PHF6: variants seen among roughly 807,000 people sequenced by gnomAD.
PHF6 encodes the protein PHD finger protein 6.
Under a neutral mutation model 34.0 loss-of-function variants are expected in PHF6, and 7 were observed. That is an observed-to-expected ratio of 0.21 (90% confidence interval 0.12 to 0.39). The LOEUF is 0.39. Ranked by LOEUF, PHF6 falls within the 10% of genes least tolerant of loss-of-function variation. The probability of loss-of-function intolerance (pLI) is 1.00; values close to 1 mark genes in which losing one functional copy is unlikely to be tolerated. For missense variants in PHF6, 128 were observed against 262.8 expected (o/e 0.49, Z 3.55); for synonymous variants, 89 against 88.4 (o/e 1.01, Z -0.04).
Position 134,375,806 on chromosome X carries a change from G to A in PHF6, c.-46-1766G>A, listed in dbSNP as rs1326298333. 6.2e-5 allele frequency among the ~76,000 whole-genome samples: 7 copies of A among 112,155 alleles called. 1 individual carries two copies. The highest frequency in any genetic ancestry group is 3.6e-4 in the South Asian group (1 of 2,747). The stretch of plus-strand genomic sequence containing the variant: ...TAAAAATTTGGGCAGGTATACTCTT[G>A]ATAAAGCAACCGAACACAGATACTT... On this transcript the variant is annotated intron_variant, in intron 1 of 10. Coordinates refer to ENST00000370803, the MANE Select transcript of PHF6 (RefSeq NM_001015877.2).
intron 3 of PHF6, among the ~76,000 whole-genome samples, chrX:134,387,391 A>C (rs2077336515): frequency 9.0e-6 from 1 of 111,724 alleles, no homozygotes; most frequent in Non-Finnish European, 1.9e-5. Flanking sequence ...CCAATAATAT[A>C]AACAAAATGT....
intron 5 of PHF6, among the ~76,000 whole-genome samples, chrX:134,408,063 G>T (rs894134631): frequency 8.9e-6 from 1 of 111,802 alleles, no homozygotes; most frequent in Non-Finnish European, 1.9e-5. Flanking sequence ...AAGTAGCTGG[G>T]ATTGCAGGCA....
At chrX:134,398,283 G>A (rs770480306) in intron 5 of PHF6, among the ~76,000 whole-genome samples, 30 of 111,453 alleles carry the variant, frequency 2.7e-4, no homozygotes, top group African/African-American at 8.5e-4. Flanking sequence ...CCAGCTACTC[G>A]GGAGGCTGAG....
chrX:134,410,795 G>A (rs2077447144), intron 5 of PHF6, among the ~76,000 whole-genome samples: 2 of 107,554 alleles, frequency 1.9e-5, no homozygotes, highest in Admixed American at 1.0e-4. Context: ...TAACAGGCAC[G>A]CGACACCATA....
At chrX:134,380,216 G>A (rs931613394) in intron 3 of PHF6, among the ~76,000 whole-genome samples, 2 of 103,571 alleles carry the variant, frequency 1.9e-5, no homozygotes, top group African/African-American at 3.6e-5. Context: ...GCGTGATCTC[G>A]GCTCACTGCA....
rs977250346 is a variant in PHF6 at position 134,427,805 on chromosome X, T to G, written c.*2145T>G. ...CATGTTTGGTTGTAAACCTCCAATG[T>G]TTTGATTCTCTAATCATGTTTTCGT... On this transcript the variant is annotated 3_prime_UTR_variant, in exon 11 of 11. Coordinates refer to ENST00000370803, the MANE Select transcript of PHF6 (RefSeq NM_001015877.2). 6.3e-6 allele frequency: 1 copy of G among 158,647 alleles called. No individual in the cohort carries two copies. Among genetic ancestry groups the G allele is most frequent in the African/African-American group, 3.0e-5 (1 of 33,060 alleles). 13.1% of individuals were successfully genotyped at this position (158,647 alleles called of 1,213,427 possible). A position where few individuals can be genotyped will look rare whatever the true frequency, so the allele number is the denominator to read the frequency against.
chrX:134,380,512 T>C lies in PHF6; in HGVS notation c.240+2406T>C, dbSNP rs138352388. Among the ~76,000 whole-genome samples, 885 of 111,765 alleles carry C rather than the reference T, an allele frequency of 7.9e-3. 4 individuals carry two copies. Among genetic ancestry groups the C allele is most frequent in the Non-Finnish European group, 0.013 (689 of 53,202 alleles). On this transcript the variant is annotated intron_variant, in intron 3 of 10. Coordinates refer to ENST00000370803, the MANE Select transcript of PHF6 (RefSeq NM_001015877.2). Reference sequence around the variant, plus strand: ...TTGTTTTGATTAATTTTTAGTGTTATAGTGTAGGGAGATAATTTTTTCCCC... The same window carrying C: ...TTGTTTTGATTAATTTTTAGTGTTACAGTGTAGGGAGATAATTTTTTCCCC...
At chrX:134,405,538 T>C (rs1222080298) in intron 5 of PHF6, among the ~76,000 whole-genome samples, 2 of 111,740 alleles carry the variant, frequency 1.8e-5, no homozygotes, top group Admixed American at 9.6e-5. Context: ...TGCAGAGTAC[T>C]GTGTTAGGCA....
chrX:134,378,857 C>T (rs2077290617), intron 3 of PHF6, among the ~76,000 whole-genome samples: 1 of 112,367 alleles, frequency 8.9e-6, no homozygotes, highest in African/African-American at 3.2e-5. Flanking sequence ...AGCTGTCTTC[C>T]CGCCTCTGCC....
intron 4 of PHF6, 108 bp from the exon 5 acceptor site, chrX:134,393,801 T>C (rs780214324): frequency 2.7e-4 from 225 of 819,439 alleles, no homozygotes; most frequent in Admixed American, 8.7e-4. Context: ...ATAATATATT[T>C]TGAATCCAGC....
chrX:134,424,527 C>A (rs774041370), intron 9 of PHF6, among the ~76,000 whole-genome samples: 6 of 111,999 alleles, frequency 5.4e-5, no homozygotes, highest in Admixed American at 1.9e-4. Flanking sequence ...CGAGAGAGAA[C>A]CAAATAAAAC....
At chrX:134,408,803 C>T (rs1040212967) in intron 5 of PHF6, among the ~76,000 whole-genome samples, 2 of 112,118 alleles carry the variant, frequency 1.8e-5, no homozygotes, top group East Asian at 2.8e-4. Flanking sequence ...ACCTCCACCT[C>T]CCAAGTTCAA....
At chrX:134,400,379 C>G (rs1191186910) in intron 5 of PHF6, among the ~76,000 whole-genome samples, 1 of 105,961 alleles carries the variant, frequency 9.4e-6, no homozygotes, top group Non-Finnish European at 1.9e-5. Context: ...AGCCACCCTC[C>G]CAGCCTTTGC....
intron 5 of PHF6, among the ~76,000 whole-genome samples, chrX:134,397,910 A>G (rs1464605731): frequency 2.7e-5 from 3 of 112,080 alleles, no homozygotes; most frequent in Admixed American, 1.9e-4. Flanking sequence ...AATAAATGCC[A>G]TGAATGAGAA....
chrX:134,396,076 AT>A (rs2077375962), intron 5 of PHF6, among the ~76,000 whole-genome samples: 1 of 111,434 alleles, frequency 9.0e-6, no homozygotes, highest in Non-Finnish European at 1.9e-5. Flanking sequence ...TCTATTTTTA[AT>A]TTTTGTGAGT....
Position 134,407,522 on chromosome X carries a change from A to C in PHF6, c.419-5969A>C, listed in dbSNP as rs1329021139. Reference sequence around the variant, plus strand: ...GGTAAATTCCTATATACTGACATGGAAAGTTGTCAAGCTATATTAAGTGGA... The same window carrying C: ...GGTAAATTCCTATATACTGACATGGCAAGTTGTCAAGCTATATTAAGTGGA... On this transcript the variant is annotated intron_variant, in intron 5 of 10. Coordinates refer to ENST00000370803, the MANE Select transcript of PHF6 (RefSeq NM_001015877.2). Among the ~76,000 whole-genome samples the C allele has an allele frequency of 8.0e-5, 9 of 112,425 alleles. No individual in the cohort carries two copies. In the Admixed American group the frequency reaches 8.5e-4, roughly 11 times the overall value.
chrX:134,386,609 A>G (rs1398648163), intron 3 of PHF6, among the ~76,000 whole-genome samples: 1 of 109,879 alleles, frequency 9.1e-6, no homozygotes, highest in African/African-American at 3.3e-5. Context: ...CGGGGTTGGG[A>G]GTTTCACCAT....
intron 3 of PHF6, among the ~76,000 whole-genome samples, chrX:134,390,966 C>CTTTTT (rs60513999): frequency 2.2e-5 from 2 of 92,812 alleles, no homozygotes; most frequent in Admixed American, 1.3e-4. Context: ...TTCTTTTTTT[C>CTTTTT]TTTTTTTTTT....
intron 3 of PHF6, among the ~76,000 whole-genome samples, chrX:134,386,112 G>A (rs1006803953): frequency 9.0e-6 from 1 of 111,621 alleles, no homozygotes; most frequent in Non-Finnish European, 1.9e-5. Flanking sequence ...GGAAGTCAAA[G>A]ACAAACAATT....
Sources: gnomAD v4.1 joint callset for allele counts (sites outside exome capture counted in the v4.1 genomes callset) on GRCh38, gnomAD v4.1.1 for gene constraint, MANE v1.5 for transcripts, NCBI Gene and HGNC (gene_info 2026-07-23, HGNC 2026-07-21) for gene names.